The following LIMS2 variants were observed in gnomAD, a reference collection of about 807,000 sequenced individuals.
LIMS2 encodes LIM and senescent cell antigen-like-containing domain protein 2.
A neutral mutation model predicts 45.3 loss-of-function variants in LIMS2; 30 were observed. The observed-to-expected ratio is 0.66, with a 90% CI of 0.50 to 0.90. The LOEUF (loss-of-function observed/expected upper bound fraction) is 0.90. LIMS2 is among the 40% of genes least tolerant of loss of function. LIMS2 has a pLI of 0.00. For missense variants in LIMS2, 485 were observed against 468.7 expected, an observed-to-expected ratio of 1.03 and a Z score of -0.32; for synonymous variants, 173 against 188.0, an observed-to-expected ratio of 0.92 and a Z score of 0.65.
rs1292217178 is a variant in LIMS2, at chr2:127,671,432, C to CAA, written c.11+3580_11+3581dup. Among the ~76,000 whole-genome samples the CAA allele has an allele frequency of 1.4e-4, 16 of 113,026 alleles. No homozygotes were observed. The highest frequency in any genetic ancestry group is 8.7e-4 in the South Asian group (3 of 3,438). 74.1% of individuals were successfully genotyped at this position (113,026 alleles called of 152,430 possible). ...TGGGTGACAGAGCGAGACTCCATCT[C>CAA]AAAAAAAAAAAAAAGAGCCTGCATG... On this transcript the variant is annotated intron_variant, in intron 1 of 9. Coordinates refer to ENST00000355119, the MANE Select transcript of LIMS2 (RefSeq NM_001161403.3). The surrounding 1 kb of genome is among the most constrained non-coding windows in gnomAD (Gnocchi z 4.1).
chr2:127,670,745 TG>T (rs1685234475), intron 1 of LIMS2, among the ~76,000 whole-genome samples: 1 of 152,192 alleles, frequency 6.6e-6, no homozygotes, highest in Non-Finnish European at 1.5e-5. Flanking sequence ...CCCAAGGCCC[TG>T]GGGCACGTGC....
intron 1 of LIMS2, chr2:127,674,568 A>G: frequency 1.1e-6 from 1 of 926,190 alleles, no homozygotes; most frequent in Non-Finnish European, 1.3e-6. Context: ...TAACATTTTT[A>G]CCACCCCAGG....
At chr2:127,662,626 TTGTGGGG>T (rs1280169233) in intron 1 of LIMS2, among the ~76,000 whole-genome samples, 4 of 45,830 alleles carry the variant, frequency 8.7e-5, no homozygotes, top group Admixed American at 3.2e-4. Flanking sequence ...CCAGAGGCTC[TTGTGGGG>T]TGGGGGGTGG....
chr2:127,674,965 TC>T, intron 1 of LIMS2, 48 bp downstream of exon 1: 1 of 1,226,656 alleles, frequency 8.2e-7, no homozygotes, highest in East Asian at 3.2e-5. Flanking sequence ...CGGCCAGGGG[TC>T]CCGCAGTCCC....
rs1685334237 is a variant in LIMS2, at chr2:127,672,951, T to C, written c.11+2063A>G. ...GCACGAGGAGCTGCCCGGGATCACA[T>C]GGGAACAGTGGACGTGGGGAAGGGC... On this transcript the variant is annotated intron_variant, in intron 1 of 9. Transcript: ENST00000355119. This position sits in a 1 kb window ranked among gnomAD's most constrained non-coding sequence, Gnocchi z 4.9. Among the ~76,000 whole-genome samples, 1 of 152,158 alleles carries C rather than the reference T, an allele frequency of 6.6e-6. No homozygotes were observed. Among genetic ancestry groups the C allele is most frequent in the African/African-American group, 2.4e-5 (1 of 41,416 alleles).
At chr2:127,660,370 C>G (rs1199126504) in intron 1 of LIMS2, among the ~76,000 whole-genome samples, 2 of 152,200 alleles carry the variant, frequency 1.3e-5, no homozygotes, top group Non-Finnish European at 2.9e-5. Context: ...TTTGTAGTAG[C>G]TTTTGCTGCT....
chr2:127,674,243 G>C (rs1333218350), intron 1 of LIMS2: 1 of 157,844 alleles, frequency 6.3e-6, no homozygotes, highest in Non-Finnish European at 1.4e-5. Flanking sequence ...CCCCTGCCAG[G>C]ACTTGGCTGG....
rs1573791135 is a variant in LIMS2 at position 127,650,385 on chromosome 2, G to A, written c.359+4039C>T. On this transcript the variant is annotated intron_variant, in intron 4 of 9. Transcript: ENST00000355119. ...AACAGAAAACCCAGAGCCTCACCCA[G>A]GCAAGGCTCACGTCCCATTCCCCGC... 5 of 531,880 alleles carry A rather than the reference G, an allele frequency of 9.4e-6. No individual in the cohort carries two copies. In the East Asian group the frequency reaches 1.3e-4, roughly 14 times the overall value. 32.9% of individuals were successfully genotyped at this position (531,880 alleles called of 1,614,324 possible). A position where few individuals can be genotyped will look rare whatever the true frequency, so the allele number is the denominator to read the frequency against.
intron 4 of LIMS2, chr2:127,646,813 G>A (rs1046980608): frequency 3.3e-5 from 5 of 152,328 alleles, no homozygotes; most frequent in South Asian, 2.1e-4. Context: ...AGGAACCAGC[G>A]AGTCTAGACT....
At chr2:127,649,129 G>A (rs1318059501) in intron 4 of LIMS2, among the ~76,000 whole-genome samples, 1 of 145,496 alleles carries the variant, frequency 6.9e-6, no homozygotes, top group African/African-American at 2.5e-5. Context: ...AGAAAAGCAA[G>A]CAAACAAGCA....
intron 6 of LIMS2, 61 bp downstream of exon 6, chr2:127,641,988 C>T (rs762360618): frequency 6.4e-6 from 10 of 1,568,186 alleles, no homozygotes; most frequent in Non-Finnish European, 8.7e-6. Flanking sequence ...AGGGCTCTTA[C>T]CATGACCCTG....
chr2:127,650,193 C>T (rs1395363380), intron 4 of LIMS2: 12 of 913,072 alleles, frequency 1.3e-5, no homozygotes, highest in Admixed American at 2.2e-5. Context: ...AGCGGTGACA[C>T]CCCGGCCACT....
At chr2:127,652,014 G>A (rs1459915152) in intron 4 of LIMS2, 10 of 538,376 alleles carry the variant, frequency 1.9e-5, no homozygotes, top group Non-Finnish European at 3.0e-5. Context: ...GTGGCAGGGA[G>A]AGAGGAGGCC....
chr2:127,657,709 C>T lies in LIMS2; in HGVS notation c.12-147G>A. 3 of 891,954 alleles carry T rather than the reference C, an allele frequency of 3.4e-6. No individual in the cohort carries two copies. In the South Asian group the frequency reaches 5.3e-5, roughly 16 times the overall value. 55.3% of individuals were successfully genotyped at this position (891,954 alleles called of 1,614,324 possible). On this transcript the variant is annotated intron_variant, in intron 1 of 9. Coordinates refer to ENST00000355119, the MANE Select transcript of LIMS2 (RefSeq NM_001161403.3). ...AGGAAAATCGCTCTAACCCAGGGTC[C>T]AGGCTGCTCAGTGCTTGTAGTGCCC...
chr2:127,656,555 A>G (rs1347529470), intron 2 of LIMS2, among the ~76,000 whole-genome samples: 1 of 151,784 alleles, frequency 6.6e-6, no homozygotes, highest in Non-Finnish European at 1.5e-5. Context: ...CTGGGATTAC[A>G]GGCACCTGCC....
At chr2:127,668,862 G>A (rs993199494) in intron 1 of LIMS2, among the ~76,000 whole-genome samples, 2 of 151,956 alleles carry the variant, frequency 1.3e-5, no homozygotes, top group African/African-American at 4.8e-5. Context: ...TACTTTGGAA[G>A]GCTGAGGCAG....
At chr2:127,651,465 T>G in intron 4 of LIMS2, 1 of 1,612,956 alleles carries the variant, frequency 6.2e-7, no homozygotes, top group Non-Finnish European at 8.5e-7. Flanking sequence ...GCTGGCCATC[T>G]TCCTGGTCTG....
intron 1 of LIMS2, among the ~76,000 whole-genome samples, chr2:127,662,664 G>T (rs1684750654): frequency 7.8e-6 from 1 of 128,352 alleles, no homozygotes; most frequent in Non-Finnish European, 1.7e-5. Context: ...GTGGGGGGAG[G>T]GATAGCATTA....
Position 127,653,795 on chromosome 2 carries a change from G to C in LIMS2, c.359+629C>G, listed in dbSNP as rs1558886532. 6.6e-6 allele frequency among the ~76,000 whole-genome samples: 1 copy of C among 152,112 alleles called. No homozygotes were observed. The highest frequency in any genetic ancestry group is 2.4e-5 in the African/African-American group (1 of 41,424). ...AGCGGGTGTGCTGGGAGAAGCCGGG[G>C]AGGAAGGCCCAGCAGTGTTTTTAAC... On this transcript the variant is annotated intron_variant, in intron 4 of 9. Coordinates refer to ENST00000355119, the MANE Select transcript of LIMS2 (RefSeq NM_001161403.3). The surrounding 1 kb of genome is among the most constrained non-coding windows in gnomAD (Gnocchi z 5.3).
Sources: allele counts gnomAD v4.1 joint callset (sites outside exome capture counted in the v4.1 genomes callset), GRCh38; gene constraint gnomAD v4.1.1; non-coding constraint Gnocchi (gnomAD v3.1); transcripts MANE v1.5; gene names NCBI Gene and HGNC (gene_info 2026-07-23, HGNC 2026-07-21).